The following TAFA1 variants were observed in gnomAD, a reference collection of about 807,000 sequenced individuals.
The protein encoded by TAFA1 is TAFA chemokine like family member 1.
Under a neutral mutation model 18.5 loss-of-function variants are expected in TAFA1, and 4 were observed. That is an observed-to-expected ratio of 0.22 (90% confidence interval 0.11 to 0.49). The LOEUF is 0.49. TAFA1 is among the 20% of genes least tolerant of loss of function. The probability of loss-of-function intolerance (pLI) is 0.98; values close to 1 mark genes in which losing one functional copy is unlikely to be tolerated. For synonymous variants in TAFA1, 56 were observed against 55.2 expected (o/e 1.01, Z -0.06); for missense variants, 147 against 169.0 (o/e 0.87, Z 0.72).
At chr3:68,502,228 G>C (rs1390798909) in intron 3 of TAFA1, among the ~76,000 whole-genome samples, 1 of 151,970 alleles carries the variant, frequency 6.6e-6, no homozygotes, top group African/African-American at 2.4e-5. Context: ...AACATATTAA[G>C]TTACTTAATC....
chr3:68,094,956 C>T (rs1291060236), intron 2 of TAFA1, among the ~76,000 whole-genome samples: 2 of 152,136 alleles, frequency 1.3e-5, no homozygotes, highest in African/African-American at 4.8e-5. Context: ...AAGGAGTCAT[C>T]TTGTAGAATA....
intron 3 of TAFA1, among the ~76,000 whole-genome samples, chr3:68,426,046 A>T (rs1319626819): frequency 6.6e-6 from 1 of 151,478 alleles, no homozygotes; most frequent in African/African-American, 2.4e-5. Flanking sequence ...TGAATGAATT[A>T]TTTTTTCTAA....
At chr3:68,188,605 C>A (rs1396115617) in intron 2 of TAFA1, among the ~76,000 whole-genome samples, 1 of 151,092 alleles carries the variant, frequency 6.6e-6, no homozygotes, top group Non-Finnish European at 1.5e-5. Context: ...AAACTAATAT[C>A]TCTTATATCT....
chr3:68,369,644 T>C (rs2069641685), intron 2 of TAFA1, among the ~76,000 whole-genome samples: 1 of 152,188 alleles, frequency 6.6e-6, no homozygotes, highest in Admixed American at 6.5e-5. Context: ...TTATAGCCCT[T>C]GTTCAATTTA....
intron 2 of TAFA1, among the ~76,000 whole-genome samples, chr3:68,287,493 T>C (rs2068030710): frequency 6.6e-6 from 1 of 152,084 alleles, no homozygotes; most frequent in South Asian, 2.1e-4. Context: ...TTTCTTTGCC[T>C]TCACAGGACA....
At chr3:68,326,748 A>G (rs1432220468) in intron 2 of TAFA1, among the ~76,000 whole-genome samples, 1 of 152,228 alleles carries the variant, frequency 6.6e-6, no homozygotes, top group East Asian at 1.9e-4. Flanking sequence ...CTTATCTCTC[A>G]ATATTATCTC....
chr3:68,079,733 G>C (rs1178623582), intron 2 of TAFA1, among the ~76,000 whole-genome samples: 8 of 152,074 alleles, frequency 5.3e-5, no homozygotes, highest in Non-Finnish European at 1.0e-4. Flanking sequence ...TTACTTCCAA[G>C]TATGTGGTCA....
At chr3:68,495,998 C>CAAAAAAAA (rs199520960) in intron 3 of TAFA1, among the ~76,000 whole-genome samples, 26 of 107,560 alleles carry the variant, frequency 2.4e-4, no homozygotes, top group South Asian at 3.2e-4. Context: ...TTCCCTGAAG[C>CAAAAAAAA]AAAAAAAAAA....
Position 68,544,526 on chromosome 3 carries a change from G to A in TAFA1, c.*23G>A. 6.2e-7 allele frequency: 1 copy of A among 1,611,150 alleles called. No individual in the cohort carries two copies. The highest frequency in any genetic ancestry group is 1.3e-5 in the African/African-American group (1 of 74,896). ...TAACAGAAGCATTTGTGGTAGTAAA[G>A]GAAAACCAACCCTCTGGAAAATACA... On this transcript the variant is annotated 3_prime_UTR_variant, in exon 5 of 5. Coordinates refer to ENST00000478136, the MANE Select transcript of TAFA1 (RefSeq NM_213609.4).
chr3:68,471,324 C>T (rs1253393425), intron 3 of TAFA1, among the ~76,000 whole-genome samples: 1 of 152,166 alleles, frequency 6.6e-6, no homozygotes, highest in Non-Finnish European at 1.5e-5. Flanking sequence ...GGGGTACTGC[C>T]TAGTGGGGCT....
At chr3:68,235,599 A>AT (rs1411116781) in intron 2 of TAFA1, among the ~76,000 whole-genome samples, 4 of 152,008 alleles carry the variant, frequency 2.6e-5, no homozygotes, top group Admixed American at 6.6e-5. Context: ...AGAGTAGCTC[A>AT]TTTTTTTCTC....
intron 2 of TAFA1, among the ~76,000 whole-genome samples, chr3:68,367,949 A>C (rs1017304807): frequency 6.6e-6 from 1 of 152,222 alleles, no homozygotes; most frequent in Non-Finnish European, 1.5e-5. Flanking sequence ...GCTGCTGCCC[A>C]TATCTAGTGG....
intron 2 of TAFA1, among the ~76,000 whole-genome samples, chr3:68,390,956 C>T (rs1452664548): frequency 6.6e-6 from 1 of 152,092 alleles, no homozygotes; most frequent in Non-Finnish European, 1.5e-5. Context: ...TCTTTTCTTC[C>T]AAAGGATCAC....
chr3:68,354,841 C>T (rs953105304), intron 2 of TAFA1, among the ~76,000 whole-genome samples: 4 of 151,906 alleles, frequency 2.6e-5, no homozygotes, highest in African/African-American at 9.7e-5. Context: ...AACTTGTCCC[C>T]TCAAGCCCTT....
chr3:68,386,358 C>T (rs527565531), intron 2 of TAFA1, among the ~76,000 whole-genome samples: 291 of 152,100 alleles, frequency 1.9e-3, no homozygotes, highest in Non-Finnish European at 3.1e-3. Flanking sequence ...TTAGATTGTT[C>T]TCTGGTGATG....
At chr3:68,087,143 C>T (rs1575609623) in intron 2 of TAFA1, among the ~76,000 whole-genome samples, 2 of 152,142 alleles carry the variant, frequency 1.3e-5, no homozygotes, top group Admixed American at 6.5e-5. Flanking sequence ...ACAGGAATTG[C>T]ATTTAGAAAG....
intron 2 of TAFA1, among the ~76,000 whole-genome samples, chr3:68,229,775 C>A (rs1024328700): frequency 1.3e-5 from 2 of 152,108 alleles, no homozygotes; most frequent in Non-Finnish European, 2.9e-5. Flanking sequence ...AGACCTGTTT[C>A]GGATTCCAGT....
intron 2 of TAFA1, among the ~76,000 whole-genome samples, chr3:68,165,689 C>T (rs1440579957): frequency 6.6e-6 from 1 of 152,176 alleles, no homozygotes; most frequent in African/African-American, 2.4e-5. Flanking sequence ...TCATCAAGTG[C>T]TTTCTGTGTG....
In TAFA1 at chr3:68,077,851, G is replaced by T. The variant is rs1023450613; in HGVS notation, c.118+71107G>T. ...TTTTTTTCCAATTCTGTGAAGAAAG[G>T]CATTGGTAGCTTGATGGGGATGGCA... On this transcript the variant is annotated intron_variant, in intron 2 of 4. Coordinates refer to ENST00000478136, the MANE Select transcript of TAFA1 (RefSeq NM_213609.4). 4.4e-3 allele frequency among the ~76,000 whole-genome samples: 668 copies of T among 152,034 alleles called. 9 individuals carry two copies. The highest frequency in any genetic ancestry group is 0.015 in the African/African-American group (617 of 41,366).
Sources: gnomAD v4.1 joint callset for allele counts (sites outside exome capture counted in the v4.1 genomes callset) on GRCh38, gnomAD v4.1.1 for gene constraint, MANE v1.5 for transcripts, NCBI Gene and HGNC (gene_info 2026-07-23, HGNC 2026-07-21) for gene names.